The following DCC variants were observed in gnomAD, a reference collection of about 807,000 sequenced individuals.
DCC encodes the protein DCC netrin 1 receptor.
A neutral mutation model predicts 172.5 loss-of-function variants in DCC; 58 were observed. The observed-to-expected ratio is 0.34, with a 90% CI of 0.27 to 0.42. The LOEUF (loss-of-function observed/expected upper bound fraction) is 0.42, where lower values mean the gene tolerates loss of function less well. Among genes scored for constraint, DCC ranks in the 10% least tolerant of loss-of-function variants. The pLI is 1.00. For missense variants in DCC, 1,740 were observed against 1,791.0 expected, an observed-to-expected ratio of 0.97 and a Z score of 0.51; for synonymous variants, 709 against 644.5, an observed-to-expected ratio of 1.10 and a Z score of -1.52.
chr18:52,355,251 G>A (rs944258985), intron 1 of DCC, among the ~76,000 whole-genome samples: 1 of 152,170 alleles, frequency 6.6e-6, no homozygotes, highest in Non-Finnish European at 1.5e-5. Context: ...AACTTCTTGT[G>A]TTTCAAAGCA....
chr18:53,062,112 G>T (rs2042503703), intron 5 of DCC, among the ~76,000 whole-genome samples: 1 of 151,970 alleles, frequency 6.6e-6, no homozygotes, highest in Non-Finnish European at 1.5e-5. Context: ...GTTGTTTAGA[G>T]GTCCAAATAT....
intron 1 of DCC, among the ~76,000 whole-genome samples, chr18:52,564,792 T>G (rs1445529573): frequency 6.6e-6 from 1 of 152,028 alleles, no homozygotes; most frequent in East Asian, 1.9e-4. Flanking sequence ...TGAAGACTAT[T>G]CAGGACCATG....
intron 8 of DCC, among the ~76,000 whole-genome samples, chr18:53,176,189 A>G (rs1246887320): frequency 1.5e-5 from 2 of 133,624 alleles, no homozygotes; most frequent in Non-Finnish European, 3.2e-5. Context: ...AAGATGGATT[A>G]AAGACTTAAA....
chr18:53,342,939 T>G (rs1402098974), intron 15 of DCC, among the ~76,000 whole-genome samples: 2 of 149,948 alleles, frequency 1.3e-5, no homozygotes, highest in African/African-American at 2.4e-5. Context: ...TATAGTGGAT[T>G]TATAGATGTA....
At chr18:52,741,544 C>T (rs1217457502) in intron 1 of DCC, among the ~76,000 whole-genome samples, 1 of 152,180 alleles carries the variant, frequency 6.6e-6, no homozygotes, top group Non-Finnish European at 1.5e-5. Flanking sequence ...CTCCAGACAT[C>T]GCCAGAAATT....
intron 5 of DCC, among the ~76,000 whole-genome samples, chr18:52,984,090 T>G (rs773673444): frequency 9.9e-5 from 15 of 152,160 alleles, no homozygotes; most frequent in Non-Finnish European, 1.9e-4. Flanking sequence ...TGGCACTGTT[T>G]ATAATGTCTC....
chr18:52,442,205 G>C (rs1450691322), intron 1 of DCC, among the ~76,000 whole-genome samples: 1 of 152,126 alleles, frequency 6.6e-6, no homozygotes, highest in Non-Finnish European at 1.5e-5. Context: ...TATAAAAAGA[G>C]ACCTTCTCTA....
At chr18:52,840,938 C>T (rs540859531) in intron 2 of DCC, among the ~76,000 whole-genome samples, 1 of 146,386 alleles carries the variant, frequency 6.8e-6, no homozygotes, top group South Asian at 2.3e-4. Flanking sequence ...AAACCTGCTA[C>T]CTTCTGAAAG....
chr18:53,509,478 C>T (rs1038278484), intron 27 of DCC, among the ~76,000 whole-genome samples: 1 of 152,162 alleles, frequency 6.6e-6, no homozygotes, highest in Non-Finnish European at 1.5e-5. Flanking sequence ...AGAGTAGAGC[C>T]TGAGGTTCTG....
intron 1 of DCC, among the ~76,000 whole-genome samples, chr18:52,416,811 C>T (rs1236985952): frequency 6.6e-6 from 1 of 152,082 alleles, no homozygotes; most frequent in African/African-American, 2.4e-5. Context: ...CACGATGGGT[C>T]TTGACTCTTT....
intron 1 of DCC, among the ~76,000 whole-genome samples, chr18:52,704,328 G>C (rs1353917575): frequency 2.6e-5 from 4 of 152,144 alleles, no homozygotes; most frequent in African/African-American, 9.7e-5. Flanking sequence ...AAAAAAGAGA[G>C]AGAGATGGTG....
chr18:52,407,859 A>G (rs1005670045), intron 1 of DCC, among the ~76,000 whole-genome samples: 1 of 152,020 alleles, frequency 6.6e-6, no homozygotes, highest in Admixed American at 6.6e-5. Context: ...CATGGCCTAC[A>G]TTTCTGTGGA....
intron 12 of DCC, among the ~76,000 whole-genome samples, chr18:53,256,861 A>G (rs1251936174): frequency 1.3e-5 from 2 of 152,176 alleles, no homozygotes; most frequent in East Asian, 1.9e-4. Context: ...ATGTTCTTCC[A>G]TTTGTTTGTA....
rs138420807 is a variant in DCC at position 52,352,246 on chromosome 18, C to T, written c.91+11368C>T. On this transcript the variant is annotated intron_variant, in intron 1 of 28. Transcript: ENST00000442544. ...ATGTTAGTATGGGCTACATTTATCC[C>T]GAGGTAGTCTTTACAAATAGAAAAT... 6.8e-3 allele frequency among the ~76,000 whole-genome samples: 1,033 copies of T among 152,252 alleles called. 21 individuals are homozygous for T. Among genetic ancestry groups the T allele is most frequent in the Admixed American group, 0.04 (607 of 15,292 alleles).
intron 15 of DCC, among the ~76,000 whole-genome samples, chr18:53,379,667 G>C (rs1907571678): frequency 6.6e-6 from 1 of 152,148 alleles, no homozygotes; most frequent in Non-Finnish European, 1.5e-5. Context: ...CAACGAATGT[G>C]CATTTATTTT....
intron 21 of DCC, among the ~76,000 whole-genome samples, chr18:53,434,325 G>A (rs1056884881): frequency 6.6e-6 from 1 of 152,134 alleles, no homozygotes; most frequent in African/African-American, 2.4e-5. Flanking sequence ...TACATAAGTA[G>A]TCTACCTAGA....
intron 12 of DCC, among the ~76,000 whole-genome samples, chr18:53,282,968 C>A (rs534814910): frequency 6.0e-4 from 92 of 152,228 alleles, no homozygotes; most frequent in African/African-American, 2.2e-3. Flanking sequence ...CAGGAATATT[C>A]ACTGACTGTA....
intron 2 of DCC, among the ~76,000 whole-genome samples, chr18:52,904,758 G>T (rs2039856404): frequency 6.6e-6 from 1 of 152,096 alleles, no homozygotes; most frequent in South Asian, 2.1e-4. Context: ...CTGATGAATG[G>T]ATCAAAGTTT....
chr18:52,547,403 A>G (rs1410793669), intron 1 of DCC, among the ~76,000 whole-genome samples: 4 of 152,192 alleles, frequency 2.6e-5, no homozygotes, highest in Non-Finnish European at 5.9e-5. Context: ...TAGTCCACTC[A>G]TTCCACTCCC....
Sources: gnomAD v4.1 joint callset for allele counts (sites outside exome capture counted in the v4.1 genomes callset) on GRCh38, gnomAD v4.1.1 for gene constraint, MANE v1.5 for transcripts, NCBI Gene and HGNC (gene_info 2026-07-23, HGNC 2026-07-21) for gene names.